GCGR: variants seen among roughly 807,000 people sequenced by gnomAD.
GCGR encodes the protein glucagon receptor.
A neutral mutation model predicts 56.1 loss-of-function variants in GCGR; 41 were observed. The observed-to-expected ratio is 0.73, with a 90% CI of 0.57 to 0.95. The LOEUF is 0.95. GCGR is among the 40% of genes least tolerant of loss of function. GCGR has a pLI of 0.00. For synonymous variants in GCGR, 278 were observed against 271.1 expected (o/e 1.03, Z -0.25); for missense variants, 595 against 638.2 (o/e 0.93, Z 0.73).
At position 81,813,122 on chromosome 17, in the gene GCGR, G is replaced by A. The variant is rs1051009148; in HGVS notation, c.1218+65G>A. ...CCGTCGGGGTCAGGGGCAGAGAGAG[G>A]CACAGGGATGCCAGCCCCACCCCTG... On this transcript the variant is annotated intron_variant, in intron 13 of 13. Coordinates refer to ENST00000400723, the MANE Select transcript of GCGR (RefSeq NM_000160.5). The surrounding 1 kb of genome is among the most constrained non-coding windows in gnomAD (Gnocchi z 5.3). The A allele has an allele frequency of 3.3e-6, 5 of 1,532,306 alleles. No homozygotes were observed. The highest frequency in any genetic ancestry group is 2.0e-5 in the Admixed American group (1 of 50,982). The allele number at this position is 1,532,306 out of a possible 1,614,324, so 94.9% of individuals were successfully genotyped here.
At position 81,813,155 on chromosome 17, in the gene GCGR, G is replaced by T; in HGVS notation, c.1218+98G>T. On this transcript the variant is annotated intron_variant, in intron 13 of 13. Coordinates refer to ENST00000400723, the MANE Select transcript of GCGR (RefSeq NM_000160.5). The surrounding 1 kb of genome is among the most constrained non-coding windows in gnomAD (Gnocchi z 5.3). ...ATGCCAGCCCCACCCCTGCCCGGGG[G>T]TTGGAACACGTGGGGCCCAAGCCTT... 1 of 1,500,994 alleles carries T rather than the reference G, an allele frequency of 6.7e-7. No homozygotes were observed. Among genetic ancestry groups the T allele is most frequent in the Non-Finnish European group, 9.0e-7 (1 of 1,116,918 alleles). The allele number at this position is 1,500,994 out of a possible 1,614,324, so 93.0% of individuals were successfully genotyped here.
intron 1 of GCGR, among the ~76,000 whole-genome samples, chr17:81,807,531 C>T (rs949300763): frequency 3.9e-5 from 6 of 152,234 alleles, no homozygotes; most frequent in Admixed American, 3.9e-4. Flanking sequence ...CCAGGCCTGC[C>T]CGGAAACCCT....
At chr17:81,807,738 C>A (rs942819857) in intron 1 of GCGR, among the ~76,000 whole-genome samples, 1 of 152,256 alleles carries the variant, frequency 6.6e-6, no homozygotes, top group African/African-American at 2.4e-5. Flanking sequence ...CGCACATGCA[C>A]GTGGACCCAC....
rs778317575 is a variant in GCGR at position 81,810,182 on chromosome 17, G to A, written c.163+298G>A. The A allele has an allele frequency of 6.2e-6, 3 of 485,956 alleles. No individual in the cohort carries two copies. The highest frequency in any genetic ancestry group is 1.1e-5 in the Non-Finnish European group (3 of 263,154). 30.1% of individuals were successfully genotyped at this position (485,956 alleles called of 1,614,324 possible). A position where few individuals can be genotyped will look rare whatever the true frequency, so the allele number is the denominator to read the frequency against. On this transcript the variant is annotated intron_variant, in intron 3 of 13. Transcript: ENST00000400723. The surrounding 1 kb of genome is among the most constrained non-coding windows in gnomAD (Gnocchi z 4.6). ...GGGTAATACCACCTACAGCCCCGTG[G>A]AGTTTTCAGTGGGCAGACAGTGCCA...
Position 81,813,452 on chromosome 17 carries a change from C to T in GCGR, c.1219-22C>T. The T allele has an allele frequency of 6.5e-7, 1 of 1,532,358 alleles. No homozygotes were observed. Among genetic ancestry groups the T allele is most frequent in the South Asian group, 1.2e-5 (1 of 83,850 alleles). 94.9% of individuals were successfully genotyped at this position (1,532,358 alleles called of 1,614,324 possible). On this transcript the variant is annotated intron_variant, in intron 13 of 13. Coordinates refer to ENST00000400723, the MANE Select transcript of GCGR (RefSeq NM_000160.5). This position sits in a 1 kb window ranked among gnomAD's most constrained non-coding sequence, Gnocchi z 5.3. ...GAGGACAGGCAGGCCCTAGGACTGG[C>T]CTGCCCCGTCCCCCTCCCCAGGTGC...
In GCGR at chr17:81,809,881, AC is replaced by A; in HGVS notation, c.161del (p.Thr54ArgfsTer90). 3.3e-6 allele frequency: 5 copies of A among 1,532,904 alleles called. No individual in the cohort carries two copies. Among genetic ancestry groups the A allele is most frequent in the Non-Finnish European group, 3.5e-6 (4 of 1,143,924 alleles). 95.0% of individuals were successfully genotyped at this position (1,532,904 alleles called of 1,614,324 possible). On this transcript the variant is annotated frameshift_variant and splice_region_variant, in exon 3 of 14. Coordinates refer to ENST00000400723, the MANE Select transcript of GCGR (RefSeq NM_000160.5). LOFTEE classifies it high-confidence loss of function. ...HHNLSLLPPP[T>X]ELVCNRTFDK... ...CAACCTGAGCCTGCTGCCCCCTCCC[AC>A]GGGTGAGCCCCCCACCCAGAGCCTT...
At position 81,812,773 on chromosome 17, in the gene GCGR, G is replaced by A. The variant is rs1402224037; in HGVS notation, c.1038-34G>A. 6 of 1,535,004 alleles carry A rather than the reference G, an allele frequency of 3.9e-6. No homozygotes were observed. Among genetic ancestry groups the A allele is most frequent in the Non-Finnish European group, 4.4e-6 (5 of 1,146,386 alleles). On this transcript the variant is annotated intron_variant, in intron 11 of 13. Transcript: ENST00000400723. The surrounding 1 kb of genome is among the most constrained non-coding windows in gnomAD (Gnocchi z 8.5). ...ACGTGGATGGTGCGGGCCGAGGGTG[G>A]GGGCGGTGGGTGACTCAGGCGCTGC...
rs139365638 is a variant in GCGR at position 81,806,226 on chromosome 17, G to T, written c.-178+1977G>T. On this transcript the variant is annotated intron_variant, in intron 1 of 13. Coordinates refer to ENST00000400723, the MANE Select transcript of GCGR (RefSeq NM_000160.5). The surrounding 1 kb of genome is among the most constrained non-coding windows in gnomAD (Gnocchi z 6.5). ...CCTACCCATATGGGACCCACCACCC[G>T]CAGGGAACGGAGGACGCTCACACTT... 6.6e-6 allele frequency among the ~76,000 whole-genome samples: 1 copy of T among 152,024 alleles called. No homozygotes were observed. The highest frequency in any genetic ancestry group is 2.4e-5 in the African/African-American group (1 of 41,364).
At position 81,806,151 on chromosome 17, in the gene GCGR, G is replaced by T. The variant is rs190961975; in HGVS notation, c.-178+1902G>T. On this transcript the variant is annotated intron_variant, in intron 1 of 13. Coordinates refer to ENST00000400723, the MANE Select transcript of GCGR (RefSeq NM_000160.5). The surrounding 1 kb of genome is among the most constrained non-coding windows in gnomAD (Gnocchi z 6.5). Reference sequence around the variant, plus strand: ...CTCATGGGTGCTCAGCTGGAAATTGGTCCCCCCCCGGCTCCACCCACCCCT... The same window carrying T: ...CTCATGGGTGCTCAGCTGGAAATTGTTCCCCCCCCGGCTCCACCCACCCCT... Among the ~76,000 whole-genome samples, 488 of 151,966 alleles carry T rather than the reference G, an allele frequency of 3.2e-3. 8 individuals carry two copies. The Middle Eastern group carries it at 0.041, about 13-fold the overall frequency.
chr17:81,808,644 C>T (rs144948822), intron 1 of GCGR, among the ~76,000 whole-genome samples, 198 bp from the exon 2 acceptor site: 8,932 of 151,994 alleles, frequency 0.059, 391 homozygotes, highest in Non-Finnish European at 0.085. Context: ...CTCAAGCTCC[C>T]GAGTAGCTGG....
At position 81,811,062 on chromosome 17, in the gene GCGR, T is replaced by G. The variant is rs992506661; in HGVS notation, c.324T>G (p.Arg108=). 7 of 1,535,992 alleles carry G rather than the reference T, an allele frequency of 4.6e-6. No homozygotes were observed. The African/African-American group carries it at 9.6e-5, about 21-fold the overall frequency. ...GCGGGCCCGACGGTCAGTGGGTGCGTGGACCCCGGGGGCAGCCTTGGCGTG... is the reference window on the plus strand; with the variant it reads ...GCGGGCCCGACGGTCAGTGGGTGCGGGGACCCCGGGGGCAGCCTTGGCGTG... ...KRCGPDGQWV[R]GPRGQPWRDA... Residue 108 remains arginine (R), a synonymous_variant, in exon 5 of 14, where the codon CGT becomes CGG. Transcript: ENST00000400723. This position sits in a 1 kb window ranked among gnomAD's most constrained non-coding sequence, Gnocchi z 5.8.
Position 81,812,152 on chromosome 17 carries a change from G to A in GCGR, c.879-31G>A. 3.3e-6 allele frequency: 5 copies of A among 1,535,674 alleles called. No individual in the cohort carries two copies. The highest frequency in any genetic ancestry group is 4.4e-6 in the Non-Finnish European group (5 of 1,146,486). On this transcript the variant is annotated intron_variant, in intron 9 of 13. Coordinates refer to ENST00000400723, the MANE Select transcript of GCGR (RefSeq NM_000160.5). This position sits in a 1 kb window ranked among gnomAD's most constrained non-coding sequence, Gnocchi z 8.5. ...GAGGGGCGGAGGGGCTGGGGGCTGT[G>A]CCCCAGTATGTGAGTGGCCTGGCCT...
rs1382051409 is a variant in GCGR, at chr17:81,806,377, G to A, written c.-178+2128G>A. ...GTGCCCTATGGGGAGCCCACCTGTG[G>A]CCTGTGGATGCTGAGCTGTCGGGGG... On this transcript the variant is annotated intron_variant, in intron 1 of 13. Transcript: ENST00000400723. The surrounding 1 kb of genome is among the most constrained non-coding windows in gnomAD (Gnocchi z 6.5). 1.3e-5 allele frequency among the ~76,000 whole-genome samples: 2 copies of A among 152,170 alleles called. No homozygotes were observed. The highest frequency in any genetic ancestry group is 2.4e-5 in the African/African-American group (1 of 41,438).
chr17:81,809,147 TCTGCCTGC>T (rs372083352), intron 2 of GCGR, 69 bp downstream of exon 2: 112 of 1,044,368 alleles, frequency 1.1e-4, no homozygotes, highest in Non-Finnish European at 1.3e-4. Flanking sequence ...TGGCTCTCTG[TCTGCCTGC>T]CTGCCTGCCT....
In GCGR at chr17:81,811,712, G is replaced by T. The variant is rs975953807; in HGVS notation, c.719G>T (p.Cys240Phe). Reference sequence around the variant, plus strand: ...CAATATGGCATCGTGGCCAACTACTGCTGGCTGCTGGTGGAGGGCCTGTAC... The same window carrying T: ...CAATATGGCATCGTGGCCAACTACTTCTGGCTGCTGGTGGAGGGCCTGTAC... Reference protein sequence around the residue: ...FMQYGIVANYCWLLVEGLYLH... With the variant: ...FMQYGIVANYFWLLVEGLYLH... Residue 240 changes from cysteine to phenylalanine, a missense_variant, in exon 8 of 14, where the codon TGC (cysteine) becomes TTC (phenylalanine). Transcript: ENST00000400723. The surrounding 1 kb of genome is among the most constrained non-coding windows in gnomAD (Gnocchi z 5.8). The T allele has an allele frequency of 3.2e-6, 5 of 1,543,784 alleles. No homozygotes were observed. Among genetic ancestry groups the T allele is most frequent in the Non-Finnish European group, 4.3e-6 (5 of 1,151,256 alleles).
At position 81,810,519 on chromosome 17, in the gene GCGR, G is replaced by C. The variant is rs2038070217; in HGVS notation, c.164-306G>C. On this transcript the variant is annotated intron_variant, in intron 3 of 13. Coordinates refer to ENST00000400723, the MANE Select transcript of GCGR (RefSeq NM_000160.5). The surrounding 1 kb of genome is among the most constrained non-coding windows in gnomAD (Gnocchi z 4.6). ...AGGTCACGGAGAATGGGGGACCCCA[G>C]TGTGGGTTTGGGGCACATTTGAGAT... The C allele has an allele frequency of 2.0e-6, 1 of 506,472 alleles. No individual in the cohort carries two copies. The highest frequency in any genetic ancestry group is 3.6e-6 in the Non-Finnish European group (1 of 278,168). 31.4% of individuals were successfully genotyped at this position (506,472 alleles called of 1,614,324 possible).
Position 81,804,374 on chromosome 17 carries a change from G to T in GCGR, c.-178+125G>T. Reference sequence around the variant, plus strand: ...CGGGGAGCCGGCCGGGCGGTCTCCGGGGTCCGGGCTGGTGCGCTCCTCAGT... The same window carrying T: ...CGGGGAGCCGGCCGGGCGGTCTCCGTGGTCCGGGCTGGTGCGCTCCTCAGT... On this transcript the variant is annotated intron_variant, in intron 1 of 13. Transcript: ENST00000400723. This position sits in a 1 kb window ranked among gnomAD's most constrained non-coding sequence, Gnocchi z 8.2. 1 of 152,858 alleles carries T rather than the reference G, an allele frequency of 6.5e-6. No homozygotes were observed. The highest frequency in any genetic ancestry group is 1.8e-4 in the South Asian group (1 of 5,556). The allele number at this position is 152,858 out of a possible 1,614,324, so 9.5% of individuals were successfully genotyped here. A position where few individuals can be genotyped will look rare whatever the true frequency, so the allele number is the denominator to read the frequency against.
At chr17:81,808,612 C>G (rs552221954) in intron 1 of GCGR, among the ~76,000 whole-genome samples, 1 of 151,762 alleles carries the variant, frequency 6.6e-6, no homozygotes, top group Non-Finnish European at 1.5e-5. Context: ...CTCTGCCTCC[C>G]GGGTTCACGC....
At chr17:81,809,158 G>A in intron 2 of GCGR, 80 bp downstream of exon 2, 2 of 1,463,698 alleles carry the variant, frequency 1.4e-6, no homozygotes, top group Non-Finnish European at 1.8e-6. Context: ...CTGCCTGCCT[G>A]CCTGCCTGCC....
Sources: gnomAD v4.1 joint callset for allele counts (sites outside exome capture counted in the v4.1 genomes callset) on GRCh38, gnomAD v4.1.1 for gene constraint, Gnocchi (gnomAD v3.1) non-coding constraint, MANE v1.5 for transcripts, NCBI Gene and HGNC (gene_info 2026-07-23, HGNC 2026-07-21) for gene names.